The following RHNO1 variants were observed in gnomAD, a reference collection of about 807,000 sequenced individuals.
The protein encoded by RHNO1 is RAD9-HUS1-RAD1 interacting nuclear orphan 1, also known as RAD9, HUS1, RAD1-interacting nuclear orphan protein 1.
Under a neutral mutation model 7.2 loss-of-function variants are expected in RHNO1, and 9 were observed. The observed-to-expected ratio is 1.25, with a 90% CI of 0.75 to 2.18. RHNO1 has a LOEUF of 2.18. Ranked by LOEUF, RHNO1 falls within the 30% of genes most tolerant of loss-of-function variation. RHNO1 has a pLI of 0.00. For missense variants in RHNO1, 292 were observed against 284.5 expected (o/e 1.03, Z -0.19); for synonymous variants, 95 against 107.5 (o/e 0.88, Z 0.72).
At position 2,888,504 on chromosome 12, in the gene RHNO1, T is replaced by C; in HGVS notation, c.*45T>C. ...TAGAAAAGAGATATGTTTTCTGGAGTCATAAAGGAATTCAATTCCTAGGGT... is the reference window on the plus strand; with the variant it reads ...TAGAAAAGAGATATGTTTTCTGGAGCCATAAAGGAATTCAATTCCTAGGGT... On this transcript the variant is annotated 3_prime_UTR_variant, in exon 3 of 3. Transcript: ENST00000489288. 1.4e-6 allele frequency: 2 copies of C among 1,478,994 alleles called. No individual in the cohort carries two copies. The highest frequency in any genetic ancestry group is 1.4e-5 in the South Asian group (1 of 72,880). The allele number at this position is 1,478,994 out of a possible 1,614,324, so 91.6% of individuals were successfully genotyped here.
rs755472010 is a variant in RHNO1, at chr12:2,888,728, C to G, written c.*269C>G. The G allele has an allele frequency of 3.5e-6, 1 of 286,534 alleles. No individual in the cohort carries two copies. The highest frequency in any genetic ancestry group is 2.2e-5 in the African/African-American group (1 of 46,406). The allele number at this position is 286,534 out of a possible 1,614,324, so 17.7% of individuals were successfully genotyped here. ...TATTTTTAGTAGAGATGTGGTTTCT[C>G]CATGTTGGCCAGGCTGGTCTCAAAA... On this transcript the variant is annotated 3_prime_UTR_variant, in exon 3 of 3. Coordinates refer to ENST00000489288, the MANE Select transcript of RHNO1 (RefSeq NM_001252499.3).
At chr12:2,887,773 T>G (rs2098167306) in intron 2 of RHNO1, 138 bp from the exon 3 acceptor site, 1 of 645,024 alleles carries the variant, frequency 1.6e-6, no homozygotes, top group Non-Finnish European at 2.5e-6. Context: ...TTCCTGTTAT[T>G]ATGCCATTAG....
chr12:2,885,566 T>TA, intron 2 of RHNO1, 32 bp downstream of exon 2: 1 of 524,500 alleles, frequency 1.9e-6, no homozygotes, highest in Non-Finnish European at 2.3e-6. Context: ...TTGACATTTT[T>TA]TTTTTTTTTT....
intron 1 of RHNO1, among the ~76,000 whole-genome samples, chr12:2,883,074 A>AAAAAAACAACAAC (rs1555108296): frequency 6.9e-6 from 1 of 144,916 alleles, no homozygotes; most frequent in African/African-American, 2.6e-5. Context: ...CTCAAAAAAA[A>AAAAAAACAACAAC]AAAAAAAAAA....
chr12:2,887,105 G>A (rs970072264), intron 2 of RHNO1: 14 of 410,596 alleles, frequency 3.4e-5, no homozygotes, highest in African/African-American at 2.4e-4. Flanking sequence ...CACTTTGGGA[G>A]GCTGAGGTGG....
Position 2,885,363 on chromosome 12 carries a change from G to A in RHNO1, c.-4G>A. 6.2e-7 allele frequency: 1 copy of A among 1,611,050 alleles called. No homozygotes were observed. The highest frequency in any genetic ancestry group is 1.1e-5 in the South Asian group (1 of 90,824). ...GTTACTAACTGTTCCTCATTCACCGGTTGATGCCTCCCAGAAAAAAACGCC... is the reference window on the plus strand; with the variant it reads ...GTTACTAACTGTTCCTCATTCACCGATTGATGCCTCCCAGAAAAAAACGCC... On this transcript the variant is annotated 5_prime_UTR_variant, in exon 2 of 3. Transcript: ENST00000489288.
chr12:2,879,736 A>C (rs1310323553), intron 1 of RHNO1, among the ~76,000 whole-genome samples: 1 of 151,748 alleles, frequency 6.6e-6, no homozygotes, highest in Non-Finnish European at 1.5e-5. Context: ...AAATATATAA[A>C]TATTGAAGTC....
chr12:2,883,497 ATATATATATATATATTT>A (rs1200991032), intron 1 of RHNO1, among the ~76,000 whole-genome samples: 66 of 23,842 alleles, frequency 2.8e-3, no homozygotes, highest in African/African-American at 9.6e-3. Context: ...ATATATATAT[ATATATATATATATATTT>A]TTTTTTTTTT....
intron 1 of RHNO1, among the ~76,000 whole-genome samples, chr12:2,879,111 C>T (rs540395437): frequency 6.6e-6 from 1 of 151,870 alleles, no homozygotes; most frequent in South Asian, 2.1e-4. Context: ...GTGATCCTCC[C>T]ACCTCAGCCT....
rs371566820 is a variant in RHNO1, at chr12:2,889,472, G to C, written c.*1013G>C. The stretch of plus-strand genomic sequence containing the variant: ...ACTTCCCCAGTCAACCGAATGTCTC[G>C]GCCTTTTACTCAGACAAGTAGCATC... On this transcript the variant is annotated 3_prime_UTR_variant, in exon 3 of 3. Transcript: ENST00000489288. 6.6e-6 allele frequency: 1 copy of C among 152,188 alleles called. No individual in the cohort carries two copies. The highest frequency in any genetic ancestry group is 1.5e-5 in the Non-Finnish European group (1 of 68,026). The allele number at this position is 152,188 out of a possible 1,614,324, so 9.4% of individuals were successfully genotyped here. A position where few individuals can be genotyped will look rare whatever the true frequency, so the allele number is the denominator to read the frequency against.
At chr12:2,878,719 A>G (rs2098152903) in intron 1 of RHNO1, among the ~76,000 whole-genome samples, 1 of 151,934 alleles carries the variant, frequency 6.6e-6, no homozygotes, top group South Asian at 2.1e-4. Flanking sequence ...AGAAGGAGAC[A>G]GAGAGAGTAA....
At chr12:2,886,965 T>G (rs1209508181) in intron 2 of RHNO1, 1 of 456,006 alleles carries the variant, frequency 2.2e-6, no homozygotes, top group Middle Eastern at 3.3e-4. Flanking sequence ...ACTGAGGGCC[T>G]TCTTTGTTCC....
chr12:2,887,612 CA>C (rs1379826790), intron 2 of RHNO1, among the ~76,000 whole-genome samples: 1 of 152,136 alleles, frequency 6.6e-6, no homozygotes, highest in Non-Finnish European at 1.5e-5. Flanking sequence ...GGTGCCGCTG[CA>C]TTCCAGCCTA....
chr12:2,884,972 CTT>C (rs2098163516), intron 1 of RHNO1, among the ~76,000 whole-genome samples: 1 of 152,188 alleles, frequency 6.6e-6, no homozygotes, highest in Non-Finnish European at 1.5e-5. Flanking sequence ...CTTTGCTAGA[CTT>C]TCAGCTCCTC....
intron 2 of RHNO1, among the ~76,000 whole-genome samples, chr12:2,887,353 C>T (rs1482520366): frequency 6.6e-6 from 1 of 151,898 alleles, no homozygotes; most frequent in African/African-American, 2.4e-5. Context: ...TGGTGCGCAC[C>T]TATATTCCCA....
At position 2,888,428 on chromosome 12, in the gene RHNO1, T is replaced by C; in HGVS notation, c.686T>C (p.Leu229Pro). The C allele has an allele frequency of 6.3e-7, 1 of 1,595,726 alleles. No individual in the cohort carries two copies. Among genetic ancestry groups the C allele is most frequent in the Non-Finnish European group, 8.5e-7 (1 of 1,172,454 alleles). ...LLAYLRERGK[L>P]SRSQFLVKS Reference sequence around the variant, plus strand: ...GCTTACCTCAGGGAGAGAGGGAAGCTGAGCAGAAGCCAATTCCTTGTGAAA... The same window carrying C: ...GCTTACCTCAGGGAGAGAGGGAAGCCGAGCAGAAGCCAATTCCTTGTGAAA... The change falls in exon 3 of 3, where the codon CTG becomes CCG. Residue 229 changes from leucine (L) to proline (P), a missense_variant. Transcript: ENST00000489288.
Position 2,888,913 on chromosome 12 carries a change from C to A in RHNO1, c.*454C>A, listed in dbSNP as rs2098168873. 6.5e-6 allele frequency: 1 copy of A among 153,134 alleles called. No individual in the cohort carries two copies. Among genetic ancestry groups the A allele is most frequent in the Admixed American group, 6.5e-5 (1 of 15,356 alleles). 9.5% of individuals were successfully genotyped at this position (153,134 alleles called of 1,614,324 possible). A position where few individuals can be genotyped will look rare whatever the true frequency, so the allele number is the denominator to read the frequency against. ...TTAACTGTTTAAATTTTTAAAATAT[C>A]TTGTAGTAACTCTTTAAAATGTATG... is the stretch of plus-strand genomic sequence containing the variant. On this transcript the variant is annotated 3_prime_UTR_variant, in exon 3 of 3. Coordinates refer to ENST00000489288, the MANE Select transcript of RHNO1 (RefSeq NM_001252499.3).
chr12:2,884,818 C>G (rs1421539498), intron 1 of RHNO1, among the ~76,000 whole-genome samples: 1 of 151,896 alleles, frequency 6.6e-6, no homozygotes, highest in Non-Finnish European at 1.5e-5. Context: ...GTACACTGTT[C>G]CTCAGGCTGG....
intron 1 of RHNO1, among the ~76,000 whole-genome samples, chr12:2,882,412 A>G (rs767462163): frequency 3.0e-4 from 45 of 152,132 alleles, no homozygotes; most frequent in Non-Finnish European, 2.1e-4. Context: ...GAAGGCTACC[A>G]GAGGGGCCAG....
Sources: gnomAD v4.1 joint callset for allele counts (sites outside exome capture counted in the v4.1 genomes callset) on GRCh38, gnomAD v4.1.1 for gene constraint, MANE v1.5 for transcripts, NCBI Gene and HGNC (gene_info 2026-07-23, HGNC 2026-07-21) for gene names.